Variants in SCN4A observed in about 807,000 individuals in gnomAD.
The protein encoded by SCN4A is sodium voltage-gated channel alpha subunit 4.
A neutral mutation model predicts 162.0 loss-of-function variants in SCN4A; 83 were observed. The observed-to-expected ratio is 0.51, with a 90% CI of 0.43 to 0.61. The LOEUF (loss-of-function observed/expected upper bound fraction) is 0.61, where lower values mean the gene tolerates loss of function less well. Ranked by LOEUF, SCN4A falls within the 20% of genes least tolerant of loss-of-function variation. The pLI is 0.00. For missense variants in SCN4A, 2,196 were observed against 2,462.5 expected (o/e 0.89, Z 2.29); for synonymous variants, 944 against 985.1 (o/e 0.96, Z 0.78).
At chr17:63,947,246 G>C in intron 17 of SCN4A, 79 bp from the exon 18 acceptor site, 1 of 1,566,354 alleles carries the variant, frequency 6.4e-7, no homozygotes, top group Non-Finnish European at 8.7e-7. Flanking sequence ...GGGTCTTCCT[G>C]GACTCACAGC....
In SCN4A at chr17:63,941,109, T is replaced by G. The variant is rs1200226793; in HGVS notation, c.5173A>C (p.Lys1725Gln). The change falls in exon 24 of 24, where the codon AAG (lysine) becomes CAG (glutamine). Residue 1725 changes from lysine (K) to glutamine (Q), a missense_variant. Lys to Gln is a moderately conservative substitution (Grantham distance 53). Transcript: ENST00000435607. The surrounding 1 kb of genome is among the most constrained non-coding windows in gnomAD (Gnocchi z 6.2). ...TTGATGGCGCACACCTCCTCGTGCTTCCTCTTGAGGGTGGTGGTGATGGGC... is the reference window on the plus strand; with the variant it reads ...TTGATGGCGCACACCTCCTCGTGCTGCCTCTTGAGGGTGGTGGTGATGGGC... ...YEPITTTLKR[K>Q]HEEVCAIKIQ... is the part of the protein sequence containing the mutation. 3 of 1,613,906 alleles carry G rather than the reference T, an allele frequency of 1.9e-6. No homozygotes were observed. The highest frequency in any genetic ancestry group is 1.7e-5 in the Admixed American group (1 of 60,016).
At position 63,947,026 on chromosome 17, in the gene SCN4A, A is replaced by T; in HGVS notation, c.3441+19T>A. ...GTCCCCCATCCCCAGCCCACCCCAG[A>T]GGCCCCTTCAGCACCCACCCTCATG... On this transcript the variant is annotated intron_variant, in intron 18 of 23. Transcript: ENST00000435607. 1.3e-6 allele frequency: 2 copies of T among 1,499,946 alleles called. No homozygotes were observed. The highest frequency in any genetic ancestry group is 1.8e-6 in the Non-Finnish European group (2 of 1,095,526). The allele number at this position is 1,499,946 out of a possible 1,614,324, so 92.9% of individuals were successfully genotyped here. A position where few individuals can be genotyped will look rare whatever the true frequency, so the allele number is the denominator to read the frequency against.
intron 5 of SCN4A, among the ~76,000 whole-genome samples, chr17:63,969,915 T>G (rs951908988): frequency 7.9e-5 from 12 of 152,118 alleles, no homozygotes; most frequent in African/African-American, 2.7e-4. Flanking sequence ...AGTGCTGGGA[T>G]TACAGGTATG....
At position 63,972,100 on chromosome 17, in the gene SCN4A, C is replaced by T. The variant is rs1284092518; in HGVS notation, c.482+36G>A. 2 of 1,518,750 alleles carry T rather than the reference C, an allele frequency of 1.3e-6. No homozygotes were observed. Among genetic ancestry groups the T allele is most frequent in the South Asian group, 1.1e-5 (1 of 87,034 alleles). The allele number at this position is 1,518,750 out of a possible 1,614,324, so 94.1% of individuals were successfully genotyped here. A position where few individuals can be genotyped will look rare whatever the true frequency, so the allele number is the denominator to read the frequency against. ...GCAAACACCTGAGATGGGCTGTGTC[C>T]CAGGGCTGGGGAGCTCAGGGAGCAG... On this transcript the variant is annotated intron_variant, in intron 3 of 23. Coordinates refer to ENST00000435607, the MANE Select transcript of SCN4A (RefSeq NM_000334.4). This position sits in a 1 kb window ranked among gnomAD's most constrained non-coding sequence, Gnocchi z 4.3.
intron 9 of SCN4A, among the ~76,000 whole-genome samples, chr17:63,964,159 C>A (rs1031439084): frequency 6.6e-6 from 1 of 152,188 alleles, no homozygotes; most frequent in Non-Finnish European, 1.5e-5. Context: ...TATCCACTAC[C>A]CAGAAAGCAT....
intron 8 of SCN4A, 88 bp downstream of exon 8, chr17:63,966,014 G>T: frequency 9.9e-7 from 1 of 1,014,916 alleles, no homozygotes; most frequent in Non-Finnish European, 1.5e-6. Context: ...TGGCCATCCT[G>T]TGGTAGGCCC....
At position 63,941,638 on chromosome 17, in the gene SCN4A, G is replaced by A. The variant is rs751973449; in HGVS notation, c.4644C>T (p.Ser1548=). The A allele has an allele frequency of 1.3e-4, 211 of 1,613,908 alleles. No homozygotes were observed. The highest frequency in any genetic ancestry group is 1.6e-4 in the Non-Finnish European group (194 of 1,179,958). ...GGTTGGGGTCACAGTCTGGGGGCCC[G>A]CTGTTGAGGATGGGGTTGAGGAGCC... is the stretch of plus-strand genomic sequence containing the variant. ...WDGLLNPILN[S]GPPDCDPNLE... Residue 1548 remains serine (S), a synonymous_variant, in exon 24 of 24, where the codon AGC becomes AGT. Transcript: ENST00000435607. This position sits in a 1 kb window ranked among gnomAD's most constrained non-coding sequence, Gnocchi z 6.2.
chr17:63,963,645 G>C, intron 10 of SCN4A, 27 bp downstream of exon 10: 2 of 1,525,224 alleles, frequency 1.3e-6, no homozygotes, highest in South Asian at 2.5e-5. Flanking sequence ...CCCTACCTAA[G>C]TGGGCACGGG....
chr17:63,967,749 A>G (rs1156929880), intron 6 of SCN4A, among the ~76,000 whole-genome samples: 1 of 151,974 alleles, frequency 6.6e-6, no homozygotes, highest in East Asian at 2.0e-4. Context: ...CCTGGCCAAC[A>G]TGATGTAACC....
In SCN4A at chr17:63,940,605, C is replaced by A; in HGVS notation, c.*166G>T. 1 of 726,292 alleles carries A rather than the reference C, an allele frequency of 1.4e-6. No individual in the cohort carries two copies. The highest frequency in any genetic ancestry group is 2.1e-6 in the Non-Finnish European group (1 of 478,604). The allele number at this position is 726,292 out of a possible 1,614,324, so 45.0% of individuals were successfully genotyped here. On this transcript the variant is annotated 3_prime_UTR_variant, in exon 24 of 24. Coordinates refer to ENST00000435607, the MANE Select transcript of SCN4A (RefSeq NM_000334.4). ...ATTTCCCATGGTCTGGGAACGCAGG[C>A]GCTCGGGCCTGGGTGTCAGCCCCAG...
At chr17:63,949,818 C>T (rs1005783335) in intron 14 of SCN4A, 4 of 251,676 alleles carry the variant, frequency 1.6e-5, no homozygotes, top group South Asian at 1.3e-4. Flanking sequence ...AGGGAGGAGG[C>T]GGGGACCCCG....
Position 63,945,110 on chromosome 17 carries a change from A to C in SCN4A, c.3721-50T>G. ...AGCCGGGGGGCTGCTCCCTGCTTTC[A>C]TCATCCATGAGTTTCCCTCCCCCAC... is the stretch of plus-strand genomic sequence containing the variant. On this transcript the variant is annotated intron_variant, in intron 19 of 23. Coordinates refer to ENST00000435607, the MANE Select transcript of SCN4A (RefSeq NM_000334.4). This position sits in a 1 kb window ranked among gnomAD's most constrained non-coding sequence, Gnocchi z 4.4. 6.3e-7 allele frequency: 1 copy of C among 1,584,990 alleles called. No individual in the cohort carries two copies. Among genetic ancestry groups the C allele is most frequent in the Non-Finnish European group, 8.6e-7 (1 of 1,156,348 alleles).
rs1479455901 is a variant in SCN4A, at chr17:63,939,681, AG to A, written c.*1089del. The A allele has an allele frequency of 1.3e-5, 2 of 152,274 alleles. No individual in the cohort carries two copies. Among genetic ancestry groups the A allele is most frequent in the Non-Finnish European group, 2.9e-5 (2 of 68,054 alleles). 9.4% of individuals were successfully genotyped at this position (152,274 alleles called of 1,614,324 possible). ...GAAGTTGGAAGGTTGAGCCTGAACC[AG>A]TTGGGCCTTCCCTGCTGCACGCCCC... On this transcript the variant is annotated 3_prime_UTR_variant, in exon 24 of 24. Coordinates refer to ENST00000435607, the MANE Select transcript of SCN4A (RefSeq NM_000334.4).
rs1198005531 is a variant in SCN4A at position 63,943,853 on chromosome 17, A to G, written c.3913-3T>C. The stretch of plus-strand genomic sequence containing the variant: ...ATAAAGATGTCTTTCCCCCCTAAGT[A>G]TAGTGGGATAGGGCTTGTCAGGTTG... On this transcript the variant is annotated splice_region_variant and splice_polypyrimidine_tract_variant and intron_variant, in intron 21 of 23. Transcript: ENST00000435607. The G allele has an allele frequency of 1.3e-6, 2 of 1,569,946 alleles. No individual in the cohort carries two copies. The highest frequency in any genetic ancestry group is 1.8e-6 in the Non-Finnish European group (2 of 1,139,892).
At position 63,944,252 on chromosome 17, in the gene SCN4A, G is replaced by A. The variant is rs1331487838; in HGVS notation, c.3913-402C>T. 6.6e-6 allele frequency among the ~76,000 whole-genome samples: 1 copy of A among 152,102 alleles called. No homozygotes were observed. The highest frequency in any genetic ancestry group is 2.4e-5 in the African/African-American group (1 of 41,422). ...TCTCCTGGGTTTAAGCGATTCTCCT[G>A]CCTCAGCCTCCTGAGTAGCTGGGAT... On this transcript the variant is annotated intron_variant, in intron 21 of 23. Coordinates refer to ENST00000435607, the MANE Select transcript of SCN4A (RefSeq NM_000334.4). This position sits in a 1 kb window ranked among gnomAD's most constrained non-coding sequence, Gnocchi z 4.3.
In SCN4A at chr17:63,940,707, C is replaced by T. The variant is rs753971558; in HGVS notation, c.*64G>A. On this transcript the variant is annotated 3_prime_UTR_variant, in exon 24 of 24. Transcript: ENST00000435607. ...AAGCCCTCCTCCCTCACTCTGTGTG[C>T]AGGCACCACGGGGGAGCTCTGGGGA... The T allele has an allele frequency of 8.5e-4, 1,284 of 1,503,186 alleles. 1 individual carries two copies. The highest frequency in any genetic ancestry group is 2.1e-3 in the Admixed American group (91 of 44,312). The allele number at this position is 1,503,186 out of a possible 1,614,324, so 93.1% of individuals were successfully genotyped here.
intron 10 of SCN4A, among the ~76,000 whole-genome samples, chr17:63,963,032 C>T (rs1909315832): frequency 6.6e-6 from 1 of 152,122 alleles, no homozygotes; most frequent in African/African-American, 2.4e-5. Flanking sequence ...GTCCCTTTTT[C>T]CTGTGCTTCC....
chr17:63,945,149 C>T lies in SCN4A; in HGVS notation c.3721-89G>A, dbSNP rs146993664. On this transcript the variant is annotated intron_variant, in intron 19 of 23. Coordinates refer to ENST00000435607, the MANE Select transcript of SCN4A (RefSeq NM_000334.4). This position sits in a 1 kb window ranked among gnomAD's most constrained non-coding sequence, Gnocchi z 4.4. ...TCCCTCCCCCACCCAACCTGGTCCT[C>T]CCCTGCCAGAGGCCGCCTGCCAGAG... 5.3e-4 allele frequency: 738 copies of T among 1,404,068 alleles called. 6 individuals carry two copies. In the African/African-American group the frequency reaches 9.3e-3, roughly 18 times the overall value. 87.0% of individuals were successfully genotyped at this position (1,404,068 alleles called of 1,614,324 possible).
chr17:63,940,654 C>T lies in SCN4A; in HGVS notation c.*117G>A. ...AGTGTGGCCAAATCCTGTCCCCCAT[C>T]AGGGAGCCAGGCACAGTCCCAGATT... On this transcript the variant is annotated 3_prime_UTR_variant, in exon 24 of 24. Coordinates refer to ENST00000435607, the MANE Select transcript of SCN4A (RefSeq NM_000334.4). The T allele has an allele frequency of 1.5e-6, 2 of 1,291,110 alleles. No homozygotes were observed. Among genetic ancestry groups the T allele is most frequent in the Non-Finnish European group, 2.1e-6 (2 of 955,540 alleles). 80.0% of individuals were successfully genotyped at this position (1,291,110 alleles called of 1,614,324 possible).
Sources: gnomAD v4.1 joint callset for allele counts (sites outside exome capture counted in the v4.1 genomes callset) on GRCh38, gnomAD v4.1.1 for gene constraint, Gnocchi (gnomAD v3.1) non-coding constraint, MANE v1.5 for transcripts, NCBI Gene and HGNC (gene_info 2026-07-23, HGNC 2026-07-21) for gene names.